The following AGBL4 variants were observed in gnomAD, a reference collection of about 807,000 sequenced individuals.
AGBL4 encodes AGBL carboxypeptidase 4.
Under a neutral mutation model 66.4 loss-of-function variants are expected in AGBL4, and 58 were observed. The observed-to-expected ratio is 0.87, with a 90% CI of 0.71 to 1.09. AGBL4 has a LOEUF of 1.09. Ranked by LOEUF, AGBL4 falls within the 50% of genes least tolerant of loss-of-function variation. The pLI is 0.00. For missense variants in AGBL4, 579 were observed against 631.0 expected (o/e 0.92, Z 0.88); for synonymous variants, 234 against 222.9 (o/e 1.05, Z -0.44).
intron 3 of AGBL4, among the ~76,000 whole-genome samples, chr1:49,676,195 T>A (rs1646575469): frequency 6.6e-6 from 1 of 152,094 alleles, no homozygotes; most frequent in African/African-American, 2.4e-5. Flanking sequence ...TCTGACCCTG[T>A]ATCCATTGTT....
intron 3 of AGBL4, among the ~76,000 whole-genome samples, chr1:49,580,364 T>C (rs746372787): frequency 1.1e-4 from 16 of 152,204 alleles, no homozygotes; most frequent in Non-Finnish European, 1.8e-4. Context: ...TTGTTAATAG[T>C]TTACTAGTAG....
chr1:48,972,646 G>A (rs890416744), intron 5 of AGBL4, among the ~76,000 whole-genome samples: 3 of 152,180 alleles, frequency 2.0e-5, no homozygotes, highest in Non-Finnish European at 4.4e-5. Context: ...AAAAGACAAT[G>A]TTGGCCTGAA....
chr1:49,032,321 T>C (rs1294907762), intron 5 of AGBL4, among the ~76,000 whole-genome samples: 2 of 152,146 alleles, frequency 1.3e-5, no homozygotes, highest in Non-Finnish European at 1.5e-5. Flanking sequence ...AGTGGTGTAG[T>C]AGAAAAGACA....
Position 49,390,660 on chromosome 1 carries a change from T to C in AGBL4, c.283-144796A>G, listed in dbSNP as rs563289763. Among the ~76,000 whole-genome samples the C allele has an allele frequency of 8.3e-4, 127 of 152,312 alleles. 1 individual carries two copies. The highest frequency in any genetic ancestry group is 7.1e-3 in the Admixed American group (109 of 15,294). Reference sequence around the variant, plus strand: ...AGTACAGGAAGTAGTAGAGCTACCATTGGAACACCAAAGTCTATATTCTTT... The same window carrying C: ...AGTACAGGAAGTAGTAGAGCTACCACTGGAACACCAAAGTCTATATTCTTT... On this transcript the variant is annotated intron_variant, in intron 3 of 13. Transcript: ENST00000371839.
At chr1:48,943,319 G>A (rs1370507355) in intron 5 of AGBL4, among the ~76,000 whole-genome samples, 3 of 152,266 alleles carry the variant, frequency 2.0e-5, no homozygotes, top group Non-Finnish European at 2.9e-5. Flanking sequence ...ATTTGCAAGC[G>A]CCTTCACTCA....
intron 3 of AGBL4, among the ~76,000 whole-genome samples, chr1:49,605,640 C>T (rs1645050272): frequency 6.6e-6 from 1 of 152,030 alleles, no homozygotes; most frequent in Non-Finnish European, 1.5e-5. Flanking sequence ...AGTCTTGTTG[C>T]CATGGCAATG....
chr1:48,700,197 T>C (rs1431038702), intron 6 of AGBL4, among the ~76,000 whole-genome samples: 1 of 152,214 alleles, frequency 6.6e-6, no homozygotes, highest in Non-Finnish European at 1.5e-5. Context: ...ACATTGCTCA[T>C]AGGTTCCCTC....
chr1:48,540,779 G>A (rs1644054010), intron 11 of AGBL4, among the ~76,000 whole-genome samples: 1 of 152,034 alleles, frequency 6.6e-6, no homozygotes, highest in African/African-American at 2.4e-5. Flanking sequence ...TATCTTGAAT[G>A]TTTTCACTTC....
chr1:49,730,563 C>G (rs1425641884), intron 2 of AGBL4, among the ~76,000 whole-genome samples: 1 of 152,150 alleles, frequency 6.6e-6, no homozygotes, highest in Non-Finnish European at 1.5e-5. Context: ...CTGTGACAAC[C>G]CCTTGGGGCT....
intron 4 of AGBL4, among the ~76,000 whole-genome samples, chr1:49,241,475 T>A (rs992988384): frequency 6.6e-6 from 1 of 152,232 alleles, no homozygotes; most frequent in African/African-American, 2.4e-5. Flanking sequence ...TTGGTGTATA[T>A]GAAGTCTTAA....
chr1:49,962,478 C>T (rs1657199803), intron 1 of AGBL4, among the ~76,000 whole-genome samples: 1 of 152,118 alleles, frequency 6.6e-6, no homozygotes, highest in South Asian at 2.1e-4. Context: ...TGATAAATTA[C>T]TTCTGAGCAA....
At chr1:49,257,569 G>C (rs542093400) in intron 3 of AGBL4, 1 of 152,930 alleles carries the variant, frequency 6.5e-6, no homozygotes, top group African/African-American at 2.4e-5. Context: ...TCCAGGTGCT[G>C]TCACCCCTTT....
intron 1 of AGBL4, among the ~76,000 whole-genome samples, chr1:49,989,109 T>C (rs1022051313): frequency 6.6e-6 from 1 of 152,176 alleles, no homozygotes; most frequent in Non-Finnish European, 1.5e-5. Flanking sequence ...GGAGCTACCA[T>C]TCAAATCCTC....
intron 6 of AGBL4, among the ~76,000 whole-genome samples, chr1:48,840,892 G>A (rs565905634): frequency 6.6e-6 from 1 of 152,270 alleles, no homozygotes; most frequent in South Asian, 2.1e-4. Context: ...ACAAACTGTG[G>A]CACATCTATA....
At chr1:49,878,506 T>C (rs1482899168) in intron 1 of AGBL4, among the ~76,000 whole-genome samples, 5 of 152,168 alleles carry the variant, frequency 3.3e-5, no homozygotes, top group African/African-American at 9.7e-5. Flanking sequence ...CTACTTTGAT[T>C]GCACTGTGGT....
At chr1:49,668,924 A>G (rs1646421517) in intron 3 of AGBL4, among the ~76,000 whole-genome samples, 1 of 152,208 alleles carries the variant, frequency 6.6e-6, no homozygotes. Flanking sequence ...TGGTGCTACC[A>G]TATAATCTTT....
At chr1:48,589,392 G>A (rs1644878352) in intron 10 of AGBL4, among the ~76,000 whole-genome samples, 1 of 152,162 alleles carries the variant, frequency 6.6e-6, no homozygotes, top group East Asian at 1.9e-4. Context: ...GAAGCAATGG[G>A]CAGGTGAGTT....
At chr1:49,403,152 G>A (rs1017555789) in intron 3 of AGBL4, among the ~76,000 whole-genome samples, 2 of 152,142 alleles carry the variant, frequency 1.3e-5, no homozygotes, top group Non-Finnish European at 2.9e-5. Context: ...CTTTATATAT[G>A]TGAGTGCTAC....
At chr1:49,252,578 A>C (rs1468963146) in intron 3 of AGBL4, among the ~76,000 whole-genome samples, 1 of 152,186 alleles carries the variant, frequency 6.6e-6, no homozygotes, top group Non-Finnish European at 1.5e-5. Flanking sequence ...AAGATACTTC[A>C]CAAGAAGATC....
Sources: gnomAD v4.1 joint callset for allele counts (sites outside exome capture counted in the v4.1 genomes callset) on GRCh38, gnomAD v4.1.1 for gene constraint, MANE v1.5 for transcripts, NCBI Gene and HGNC (gene_info 2026-07-23, HGNC 2026-07-21) for gene names.